ROBO2: variants seen among roughly 807,000 people sequenced by gnomAD.
The protein encoded by ROBO2 is roundabout guidance receptor 2, also known as roundabout homolog 2.
Under a neutral mutation model 160.8 loss-of-function variants are expected in ROBO2, and 53 were observed. The ratio of observed to expected loss-of-function variants is 0.33; its 90% confidence interval spans 0.26 to 0.41. ROBO2 has a LOEUF of 0.41. Ranked by LOEUF, ROBO2 falls within the 10% of genes least tolerant of loss-of-function variation. The pLI is 1.00. For missense variants in ROBO2, 1,577 were observed against 1,722.4 expected (o/e 0.92, Z 1.49); for synonymous variants, 664 against 611.7 (o/e 1.09, Z -1.26).
At chr3:77,484,770 T>A (rs2085145258) in intron 4 of ROBO2, among the ~76,000 whole-genome samples, 1 of 152,040 alleles carries the variant, frequency 6.6e-6, no homozygotes. Flanking sequence ...TTTCAAAACA[T>A]TGGTTATATT....
intron 2 of ROBO2, among the ~76,000 whole-genome samples, chr3:77,296,954 C>G (rs1439979178): frequency 2.0e-5 from 3 of 152,142 alleles, no homozygotes; most frequent in Admixed American, 2.0e-4. Context: ...CTGCTTTTCT[C>G]GCATACTTTG....
intron 2 of ROBO2, among the ~76,000 whole-genome samples, chr3:76,697,075 A>T (rs912364749): frequency 2.0e-5 from 3 of 152,196 alleles, no homozygotes; most frequent in Non-Finnish European, 4.4e-5. Context: ...AGACAGAATA[A>T]GTGCAATGTA....
chr3:75,908,064 A>T (rs955506706), intron 1 of ROBO2, among the ~76,000 whole-genome samples: 1 of 152,128 alleles, frequency 6.6e-6, no homozygotes, highest in Non-Finnish European at 1.5e-5. Flanking sequence ...GCCTTGCTGA[A>T]TACCTGTCAA....
chr3:77,181,631 A>T lies in ROBO2; in HGVS notation c.388+83291A>T, dbSNP rs113003842. 6.2e-3 allele frequency among the ~76,000 whole-genome samples: 938 copies of T among 152,240 alleles called. 4 individuals carry two copies. Among genetic ancestry groups the T allele is most frequent in the Non-Finnish European group, 0.01 (712 of 68,006 alleles). ...TCTGCAGAAATTAAAGAGCAGAGGA[A>T]TTAGGATTTAACCAAATAAAATGTT... On this transcript the variant is annotated intron_variant, in intron 2 of 25. Transcript: ENST00000461745.
chr3:76,417,065 A>G (rs1053250027), intron 2 of ROBO2, among the ~76,000 whole-genome samples: 2 of 139,766 alleles, frequency 1.4e-5, no homozygotes, highest in Non-Finnish European at 3.1e-5. Flanking sequence ...CTTAGCATAA[A>G]TACTGAACAC....
At chr3:77,215,407 T>C in intron 2 of ROBO2, among the ~76,000 whole-genome samples, 1 of 152,220 alleles carries the variant, frequency 6.6e-6, no homozygotes, top group East Asian at 1.9e-4. Flanking sequence ...CATGTAGTTC[T>C]CGTGCCGTGG....
intron 2 of ROBO2, among the ~76,000 whole-genome samples, chr3:76,704,024 TGGGC>T (rs2093104315): frequency 6.6e-6 from 1 of 152,066 alleles, no homozygotes; most frequent in African/African-American, 2.4e-5. Context: ...TGATATGGAA[TGGGC>T]ATCTTTTCTA....
chr3:76,675,072 C>T (rs531969991), intron 2 of ROBO2, among the ~76,000 whole-genome samples: 3 of 152,210 alleles, frequency 2.0e-5, no homozygotes, highest in Non-Finnish European at 4.4e-5. Flanking sequence ...AAAAGCAGCC[C>T]ATAGCCATAG....
intron 23 of ROBO2, chr3:77,632,622 T>G (rs2153714099): frequency 6.5e-7 from 1 of 1,535,594 alleles, no homozygotes; most frequent in South Asian, 1.2e-5. Flanking sequence ...ATAAAGCTGG[T>G]TTTAGGCTGG....
At chr3:75,930,974 C>T (rs942462551) in intron 1 of ROBO2, among the ~76,000 whole-genome samples, 3 of 152,168 alleles carry the variant, frequency 2.0e-5, no homozygotes, top group South Asian at 2.1e-4. Flanking sequence ...GATCTCTTAA[C>T]GTGTCTTTCA....
At chr3:77,417,547 A>T (rs2077358196) in intron 2 of ROBO2, among the ~76,000 whole-genome samples, 2 of 152,144 alleles carry the variant, frequency 1.3e-5, no homozygotes, top group Non-Finnish European at 2.9e-5. Context: ...TCAGTCATTA[A>T]TTATACACCA....
chr3:76,399,153 TAAAG>T (rs917876730), intron 2 of ROBO2, among the ~76,000 whole-genome samples: 7 of 151,780 alleles, frequency 4.6e-5, no homozygotes, highest in African/African-American at 7.2e-5. Context: ...ATAGAAGAAT[TAAAG>T]AAACAAAATT....
chr3:76,300,303 T>C (rs1350130183), intron 2 of ROBO2, among the ~76,000 whole-genome samples: 2 of 152,022 alleles, frequency 1.3e-5, no homozygotes, highest in Non-Finnish European at 2.9e-5. Flanking sequence ...TGGTGCCCAC[T>C]ATTCTCACCA....
intron 2 of ROBO2, among the ~76,000 whole-genome samples, chr3:77,131,859 TTAAA>T (rs1170505096): frequency 6.6e-6 from 1 of 152,142 alleles, no homozygotes; most frequent in Non-Finnish European, 1.5e-5. Flanking sequence ...TTTAAAATAA[TTAAA>T]TTAATTGGAA....
In ROBO2 at chr3:76,745,453, G is replaced by A. The variant is rs558848532; in HGVS notation, c.110-352561G>A. Among the ~76,000 whole-genome samples, 8 of 152,180 alleles carry A rather than the reference G, an allele frequency of 5.3e-5. No individual in the cohort carries two copies. The South Asian group carries it at 6.2e-4, about 12-fold the overall frequency. ...TTCTAGATAATCCTAGAATGATATGGTTTTGAATCATTCCAGTTTTTTCTT... is the reference window on the plus strand; with the variant it reads ...TTCTAGATAATCCTAGAATGATATGATTTTGAATCATTCCAGTTTTTTCTT... On this transcript the variant is annotated intron_variant, in intron 2 of 26. Transcript: ENST00000487694.
In ROBO2 at chr3:77,132,759, G is replaced by A. The variant is rs2150362905; in HGVS notation, c.388+34419G>A. The stretch of plus-strand genomic sequence containing the variant: ...AGAGTGTGAAAATGTCTACAATACT[G>A]TGAGGCACTGGAAAAATGAAGATTA... On this transcript the variant is annotated intron_variant, in intron 2 of 25. Transcript: ENST00000461745. Among the ~76,000 whole-genome samples the A allele has an allele frequency of 2.0e-5, 3 of 151,540 alleles. No individual in the cohort carries two copies. In the Middle Eastern group the frequency reaches 0.01, roughly 519 times the overall value.
chr3:76,705,646 G>A (rs1309335990), intron 2 of ROBO2, among the ~76,000 whole-genome samples: 3 of 152,098 alleles, frequency 2.0e-5, no homozygotes, highest in Non-Finnish European at 2.9e-5. Flanking sequence ...AGCTATACAA[G>A]CTCTTCTCAT....
chr3:77,215,210 G>C (rs2151137976), intron 2 of ROBO2, among the ~76,000 whole-genome samples: 1 of 152,282 alleles, frequency 6.6e-6, no homozygotes, highest in East Asian at 1.9e-4. Flanking sequence ...GTCACTTTCA[G>C]GTACACCAAT....
intron 2 of ROBO2, among the ~76,000 whole-genome samples, chr3:76,979,781 A>T (rs2060003448): frequency 6.6e-6 from 1 of 151,876 alleles, no homozygotes. Flanking sequence ...TTACTTTAAG[A>T]TCTTAGTTTC....
Sources: gnomAD v4.1 joint callset for allele counts (sites outside exome capture counted in the v4.1 genomes callset) on GRCh38, gnomAD v4.1.1 for gene constraint, MANE v1.5 for transcripts, NCBI Gene and HGNC (gene_info 2026-07-23, HGNC 2026-07-21) for gene names.